Variants in STXBP4 observed in about 807,000 individuals in gnomAD.
The protein encoded by STXBP4 is syntaxin-binding protein 4.
In STXBP4, 55 loss-of-function variants were observed where a neutral mutation model predicts 76.1. That is an observed-to-expected ratio of 0.72 (90% confidence interval 0.58 to 0.91). The LOEUF is 0.91. STXBP4 is among the 40% of genes least tolerant of loss of function. The pLI is 0.00. For synonymous variants in STXBP4, 201 were observed against 220.2 expected (o/e 0.91, Z 0.77); for missense variants, 618 against 636.9 (o/e 0.97, Z 0.32).
At chr17:55,138,875 G>A (rs1182260894) in intron 16 of STXBP4, among the ~76,000 whole-genome samples, 1 of 151,972 alleles carries the variant, frequency 6.6e-6, no homozygotes, top group African/African-American at 2.4e-5. Flanking sequence ...ATTGGACAGT[G>A]ATTGTTTTCT....
chr17:55,184,518 C>T, the STXBP4 span, among the ~76,000 whole-genome samples: 1 of 152,128 alleles, frequency 6.6e-6, no homozygotes, highest in Non-Finnish European at 1.5e-5. Flanking sequence ...GTATGTATTC[C>T]TTTCGTGTGC....
At chr17:55,145,220 C>T (rs1011686833) in intron 17 of STXBP4, among the ~76,000 whole-genome samples, 17 of 152,124 alleles carry the variant, frequency 1.1e-4, no homozygotes, top group Non-Finnish European at 2.2e-4. Flanking sequence ...CTTACTACCC[C>T]AACAAAAAAT....
rs1029111225 is a variant in STXBP4 at position 55,031,323 on chromosome 17, A to G, written c.763+59A>G. On this transcript the variant is annotated intron_variant, in intron 9 of 17. Transcript: ENST00000376352. ...GAATCATCATTCAAGAGTTATGGTG[A>G]CACATTTTCATTAAGAGTGTTTGTT... is the stretch of plus-strand genomic sequence containing the variant. The G allele has an allele frequency of 3.8e-6, 5 of 1,300,732 alleles. No individual in the cohort carries two copies. The African/African-American group carries it at 4.4e-5, about 12-fold the overall frequency. The allele number at this position is 1,300,732 out of a possible 1,614,324, so 80.6% of individuals were successfully genotyped here. A position where few individuals can be genotyped will look rare whatever the true frequency, so the allele number is the denominator to read the frequency against.
the STXBP4 span, among the ~76,000 whole-genome samples, chr17:55,205,557 A>T: frequency 1.3e-5 from 2 of 152,028 alleles, no homozygotes; most frequent in Admixed American, 1.3e-4. Context: ...ACACACACAC[A>T]CACAAACACA....
intron 16 of STXBP4, among the ~76,000 whole-genome samples, chr17:55,132,223 G>A (rs978165507): frequency 3.9e-5 from 6 of 152,108 alleles, no homozygotes; most frequent in Non-Finnish European, 7.4e-5. Context: ...ACGGAGTCTC[G>A]CTGTGTCCCC....
chr17:55,033,637 A>T (rs960710879), intron 9 of STXBP4, among the ~76,000 whole-genome samples: 2 of 152,178 alleles, frequency 1.3e-5, no homozygotes, highest in African/African-American at 4.8e-5. Flanking sequence ...CCTCTTTGCC[A>T]CGTGGCCTTG....
At chr17:55,072,787 A>G (rs1438048599) in intron 12 of STXBP4, 113 bp from the exon 13 acceptor site, 1 of 705,158 alleles carries the variant, frequency 1.4e-6, no homozygotes, top group Non-Finnish European at 2.1e-6. Flanking sequence ...TAAATAATAT[A>G]TGTATATTGA....
At chr17:55,152,454 ACTG>A (rs1283958089) in intron 17 of STXBP4, among the ~76,000 whole-genome samples, 4 of 152,172 alleles carry the variant, frequency 2.6e-5, no homozygotes, top group African/African-American at 9.7e-5. Context: ...TTGTTTTCAC[ACTG>A]CTATAAAGAT....
In STXBP4 at chr17:55,081,761, A is replaced by C. The variant is rs559837566; in HGVS notation, c.1489+578A>C. 5.3e-5 allele frequency among the ~76,000 whole-genome samples: 8 copies of C among 152,254 alleles called. No individual in the cohort carries two copies. In the East Asian group the frequency reaches 1.5e-3, roughly 29 times the overall value. On this transcript the variant is annotated intron_variant, in intron 16 of 17. Transcript: ENST00000376352. ...GCTCAGGCATATCCTCCTATGCTGGAGCCAGGAAAATACCTCTCTAAAGGA... is the reference window on the plus strand; with the variant it reads ...GCTCAGGCATATCCTCCTATGCTGGCGCCAGGAAAATACCTCTCTAAAGGA...
chr17:55,116,901 A>G (rs2145075167), intron 16 of STXBP4, among the ~76,000 whole-genome samples: 1 of 151,898 alleles, frequency 6.6e-6, no homozygotes, highest in Non-Finnish European at 1.5e-5. Flanking sequence ...AGTCAGCTAC[A>G]TAGAGGCACT....
intron 12 of STXBP4, among the ~76,000 whole-genome samples, chr17:55,066,767 T>C (rs1450460593): frequency 6.6e-6 from 1 of 152,128 alleles, no homozygotes; most frequent in Non-Finnish European, 1.5e-5. Context: ...CCCATCACTT[T>C]CGGAGGCCGA....
intron 17 of STXBP4, among the ~76,000 whole-genome samples, chr17:55,159,367 A>G (rs1389202673): frequency 1.3e-5 from 2 of 152,254 alleles, no homozygotes; most frequent in Non-Finnish European, 2.9e-5. Context: ...ATGATTTGTC[A>G]TTTAGAAAGT....
chr17:54,997,156 G>A (rs888619960), intron 4 of STXBP4, among the ~76,000 whole-genome samples: 11 of 152,130 alleles, frequency 7.2e-5, no homozygotes, highest in Non-Finnish European at 1.5e-4. Flanking sequence ...TCGAATGCCA[G>A]ACTTACAAAA....
intron 16 of STXBP4, among the ~76,000 whole-genome samples, chr17:55,131,586 C>A (rs2079973836): frequency 6.6e-6 from 1 of 152,158 alleles, no homozygotes; most frequent in Admixed American, 6.5e-5. Context: ...TTACTCTTAA[C>A]CAGTGTAAAT....
the STXBP4 span, among the ~76,000 whole-genome samples, chr17:55,206,583 A>G: frequency 1.3e-5 from 2 of 152,194 alleles, no homozygotes; most frequent in East Asian, 3.9e-4. Context: ...TCAGCTGAGT[A>G]CGGTGGCTCA....
At chr17:55,043,026 A>G (rs920420864) in intron 10 of STXBP4, among the ~76,000 whole-genome samples, 8 of 152,170 alleles carry the variant, frequency 5.3e-5, no homozygotes, top group African/African-American at 1.4e-4. Context: ...TCAAAATTCT[A>G]TTATAAGTGA....
At chr17:55,142,273 G>A (rs928945403) in intron 17 of STXBP4, among the ~76,000 whole-genome samples, 3 of 152,150 alleles carry the variant, frequency 2.0e-5, no homozygotes, top group South Asian at 4.1e-4. Flanking sequence ...TTGACATTTC[G>A]AGAGCACAAA....
chr17:55,063,320 AT>A (rs1291889715), intron 12 of STXBP4, among the ~76,000 whole-genome samples: 1 of 152,226 alleles, frequency 6.6e-6, no homozygotes, highest in Non-Finnish European at 1.5e-5. Context: ...TTATTATCCT[AT>A]TTATAATATA....
the STXBP4 span, among the ~76,000 whole-genome samples, chr17:55,185,251 C>CTCCTT: frequency 1.6e-4 from 8 of 49,380 alleles, no homozygotes; most frequent in African/African-American, 6.3e-4. Context: ...TTCTTCTTCT[C>CTCCTT]CTTCTCCTTC....
Sources: allele counts gnomAD v4.1 joint callset (sites outside exome capture counted in the v4.1 genomes callset), GRCh38; gene constraint gnomAD v4.1.1; transcripts MANE v1.5; gene names NCBI Gene and HGNC (gene_info 2026-07-23, HGNC 2026-07-21).